SGIP1: variants seen among roughly 807,000 people sequenced by gnomAD.
The protein encoded by SGIP1 is SH3-containing GRB2-like protein 3-interacting protein 1.
In SGIP1, 38 loss-of-function variants were observed where a neutral mutation model predicts 107.5. The observed-to-expected ratio is 0.35, with a 90% confidence interval of 0.27 to 0.46. The LOEUF (loss-of-function observed/expected upper bound fraction) is 0.46, where lower values mean the gene tolerates loss of function less well. SGIP1 is among the 20% of genes least tolerant of loss of function. The probability of loss-of-function intolerance (pLI) is 1.00; values close to 1 mark genes in which losing one functional copy is unlikely to be tolerated. For synonymous variants in SGIP1, 365 were observed against 366.1 expected, an observed-to-expected ratio of 1.00 and a Z score of 0.03; for missense variants, 929 against 1,019.5, an observed-to-expected ratio of 0.91 and a Z score of 1.21.
chr1:66,654,567 C>T (rs1270639793), intron 7 of SGIP1, among the ~76,000 whole-genome samples: 1 of 152,024 alleles, frequency 6.6e-6, no homozygotes, highest in Non-Finnish European at 1.5e-5. Flanking sequence ...TATCCCTTTG[C>T]CCTCTGAAGG....
chr1:66,591,526 C>T (rs1354514969), intron 1 of SGIP1, among the ~76,000 whole-genome samples: 1 of 152,194 alleles, frequency 6.6e-6, no homozygotes, highest in Non-Finnish European at 1.5e-5. Context: ...TGCCCCTACA[C>T]ATGCACAGCC....
chr1:66,637,527 G>T (rs1327326730), intron 4 of SGIP1, among the ~76,000 whole-genome samples: 28 of 149,514 alleles, frequency 1.9e-4, no homozygotes, highest in Non-Finnish European at 1.5e-5. Flanking sequence ...GTTATGATTT[G>T]TTGTTTGTTT....
At chr1:66,740,595 C>A in intron 22 of SGIP1, 63 bp from the exon 23 acceptor site, 1 of 1,010,142 alleles carries the variant, frequency 9.9e-7, no homozygotes, top group Non-Finnish European at 1.5e-6. Context: ...GGAAAAAAAA[C>A]ATGGCATCCA....
chr1:66,667,525 C>A lies in SGIP1; in HGVS notation c.472-5C>A. ...CTGTTCTCTCTTCCTTTTTGCTGATCACAGAGGCGCAGCCCGGTAAGAACT... is the reference window on the plus strand; with the variant it reads ...CTGTTCTCTCTTCCTTTTTGCTGATAACAGAGGCGCAGCCCGGTAAGAACT... On this transcript the variant is annotated splice_polypyrimidine_tract_variant and splice_region_variant and intron_variant, in intron 8 of 24. Transcript: ENST00000371037. The A allele has an allele frequency of 6.2e-7, 1 of 1,613,530 alleles. No individual in the cohort carries two copies. The highest frequency in any genetic ancestry group is 8.5e-7 in the Non-Finnish European group (1 of 1,179,590).
At chr1:66,533,829 C>G (rs1403350891), upstream of SGIP1, among the ~76,000 whole-genome samples, 1 of 152,104 alleles carries the variant, frequency 6.6e-6, no homozygotes, top group African/African-American at 2.4e-5. Flanking sequence ...TGCTTTCACG[C>G]CAGAGTCCCC....
intron 21 of SGIP1, among the ~76,000 whole-genome samples, chr1:66,738,680 T>C (rs959408648): frequency 6.6e-6 from 1 of 152,174 alleles, no homozygotes; most frequent in African/African-American, 2.4e-5. Flanking sequence ...TAGAAGTAAC[T>C]TCCTGTTACT....
rs142204324 is a variant in SGIP1, at chr1:66,713,757, GA to G, written c.1631-5536del. On this transcript the variant is annotated intron_variant, in intron 18 of 24. Transcript: ENST00000371037. ...ACTCATATTTTAATAAATTAATTAT[GA>G]TTATTCAAATAATTTGTTTATTTGA... Among the ~76,000 whole-genome samples the G allele has an allele frequency of 3.6e-3, 546 of 151,986 alleles. 6 individuals carry two copies. The highest frequency in any genetic ancestry group is 0.012 in the African/African-American group (505 of 41,452).
At chr1:66,609,353 G>C (rs185117954) in intron 1 of SGIP1, among the ~76,000 whole-genome samples, 9 of 152,268 alleles carry the variant, frequency 5.9e-5, no homozygotes, top group African/African-American at 2.2e-4. Context: ...GAAGGGGAAG[G>C]TTTCTGTGGC....
intron 22 of SGIP1, among the ~76,000 whole-genome samples, chr1:66,739,798 G>C (rs2094387798): frequency 6.6e-6 from 1 of 152,216 alleles, no homozygotes; most frequent in African/African-American, 2.4e-5. Context: ...GAACTGGCCT[G>C]CCACAATCCC....
intron 14 of SGIP1, among the ~76,000 whole-genome samples, chr1:66,680,953 A>AT (rs2086570524): frequency 6.6e-6 from 1 of 152,176 alleles, no homozygotes; most frequent in South Asian, 2.1e-4. Flanking sequence ...ATCATTCTTA[A>AT]TTTTTTCTCT....
chr1:66,569,201 G>A (rs1226873302), intron 1 of SGIP1, among the ~76,000 whole-genome samples: 1 of 151,904 alleles, frequency 6.6e-6, no homozygotes. Flanking sequence ...CCTTTTCAAT[G>A]TGTATCTCTT....
chr1:66,667,493 T>C, intron 8 of SGIP1, 37 bp from the exon 9 acceptor site: 1 of 1,605,874 alleles, frequency 6.2e-7, no homozygotes. Context: ...ATTCTCTGAC[T>C]AGGTGTCTGT....
chr1:66,718,905 T>C (rs537909871), intron 18 of SGIP1, among the ~76,000 whole-genome samples: 2 of 152,266 alleles, frequency 1.3e-5, no homozygotes, highest in East Asian at 3.9e-4. Context: ...GTTTTGAGTA[T>C]GGGCAATTGA....
At chr1:66,547,983 A>T (rs563872768) in intron 1 of SGIP1, among the ~76,000 whole-genome samples, 181 of 152,222 alleles carry the variant, frequency 1.2e-3, no homozygotes, top group African/African-American at 4.2e-3. Flanking sequence ...CAAGGACAAG[A>T]GGGAAGCCAG....
At chr1:66,563,453 C>T (rs980654914) in intron 1 of SGIP1, among the ~76,000 whole-genome samples, 2 of 152,018 alleles carry the variant, frequency 1.3e-5, no homozygotes, top group African/African-American at 2.4e-5. Flanking sequence ...CCCGATTCCA[C>T]CAAGGTGAAG....
At position 66,750,035 on chromosome 1, in the gene SGIP1, GGGTGTGTGT is replaced by G. The variant is rs2094604216; in HGVS notation, c.*6942_*6950del. Among the ~76,000 whole-genome samples the G allele has an allele frequency of 1.3e-4, 4 of 30,052 alleles. No individual in the cohort carries two copies. Among genetic ancestry groups the G allele is most frequent in the South Asian group, 8.1e-4 (1 of 1,234 alleles). The allele number at this position is 30,052 out of a possible 152,430, so 19.7% of individuals were successfully genotyped here. A position where few individuals can be genotyped will look rare whatever the true frequency, so the allele number is the denominator to read the frequency against. ...TCTCTCTTTCTCTGTGTGTGTGTGG[GGGTGTGTGT>G]GTGTGTGTGTGTGTGTGTGTGTGTC... On this transcript the variant is annotated 3_prime_UTR_variant, in exon 25 of 25. Transcript: ENST00000371037.
chr1:66,667,181 C>G (rs1457336054), intron 8 of SGIP1, among the ~76,000 whole-genome samples: 4 of 148,482 alleles, frequency 2.7e-5, no homozygotes, highest in Middle Eastern at 3.4e-3. Flanking sequence ...CTCTAAGTAC[C>G]CCCCCCCAAA....
intron 15 of SGIP1, chr1:66,684,128 G>A (rs1417483107): frequency 7.1e-6 from 11 of 1,550,442 alleles, no homozygotes; most frequent in Non-Finnish European, 8.7e-6. Flanking sequence ...GAGGCTCAGA[G>A]ATATCAAGTA....
intron 2 of SGIP1, among the ~76,000 whole-genome samples, chr1:66,630,161 G>A (rs2073940479): frequency 6.6e-6 from 1 of 151,964 alleles, no homozygotes; most frequent in African/African-American, 2.4e-5. Context: ...CTCCAGTGCT[G>A]CTATGTACAA....
Sources: allele counts gnomAD v4.1 joint callset (sites outside exome capture counted in the v4.1 genomes callset), GRCh38; gene constraint gnomAD v4.1.1; transcripts MANE v1.5; gene names NCBI Gene and HGNC (gene_info 2026-07-23, HGNC 2026-07-21).